The following LMO4 variants were observed in gnomAD, a reference collection of about 807,000 sequenced individuals.
The protein encoded by LMO4 is LIM domain transcription factor LMO4.
In LMO4, 3 loss-of-function variants were observed where a neutral mutation model predicts 18.5. The observed-to-expected ratio is 0.16, with a 90% CI of 0.07 to 0.42. The LOEUF (loss-of-function observed/expected upper bound fraction) is 0.42, where lower values mean the gene tolerates loss of function less well. LMO4 is among the 10% of genes least tolerant of loss of function. LMO4 has a pLI of 0.99. For missense variants in LMO4, 121 were observed against 219.9 expected (o/e 0.55, Z 2.84); for synonymous variants, 100 against 88.1 (o/e 1.14, Z -0.76).
At chr1:87,331,798 A>T (rs2100773730) in intron 1 of LMO4, 1 of 579,566 alleles carries the variant, frequency 1.7e-6, no homozygotes, top group African/African-American at 1.9e-5. Context: ...GTGGCCCCAG[A>T]ACAAAGCTTG....
At chr1:87,344,663 C>T in intron 4 of LMO4, 125 bp from the exon 5 acceptor site, 15 of 928,354 alleles carry the variant, frequency 1.6e-5, no homozygotes, top group Non-Finnish European at 2.6e-5. Context: ...TATCAAGTCA[C>T]AGTTGGAAAG....
intron 2 of LMO4, among the ~76,000 whole-genome samples, chr1:87,333,314 A>C (rs559554641): frequency 5.9e-5 from 9 of 151,986 alleles, no homozygotes; most frequent in East Asian, 1.9e-4. Flanking sequence ...TAAAAAAAAA[A>C]CCCACACGCA....
At chr1:87,335,552 G>T (rs988350017) in intron 2 of LMO4, among the ~76,000 whole-genome samples, 1 of 152,100 alleles carries the variant, frequency 6.6e-6, no homozygotes, top group African/African-American at 2.4e-5. Context: ...CGCAGCCGCA[G>T]TGAGCCCGGC....
In LMO4 at chr1:87,340,000, G is replaced by C. The variant is rs746877663; in HGVS notation, c.334-47G>C. 2.3e-5 allele frequency: 37 copies of C among 1,596,100 alleles called. 1 individual carries two copies. Among genetic ancestry groups the C allele is most frequent in the Non-Finnish European group, 3.2e-5 (37 of 1,169,232 alleles). On this transcript the variant is annotated intron_variant, in intron 3 of 4. Transcript: ENST00000370544. The stretch of plus-strand genomic sequence containing the variant: ...GGTTATAAACTTGTGACCAAAAAAA[G>C]ACTTAATTTTTACCTTGTTTTCAGT...
intron 2 of LMO4, among the ~76,000 whole-genome samples, chr1:87,338,064 G>A (rs1435024144): frequency 6.6e-6 from 1 of 152,148 alleles, no homozygotes; most frequent in Non-Finnish European, 1.5e-5. Flanking sequence ...CCTATTAAAA[G>A]CCATCTTAAG....
At position 87,332,601 on chromosome 1, in the gene LMO4, T is replaced by C. The variant is rs548487671; in HGVS notation, c.236+350T>C. Among the ~76,000 whole-genome samples the C allele has an allele frequency of 2.0e-5, 3 of 152,292 alleles. No homozygotes were observed. In the East Asian group the frequency reaches 5.8e-4, roughly 29 times the overall value. On this transcript the variant is annotated intron_variant, in intron 2 of 4. Coordinates refer to ENST00000370544, the MANE Select transcript of LMO4 (RefSeq NM_006769.4). The stretch of plus-strand genomic sequence containing the variant: ...CCCAAGCGGGAGTTAAGCTGCGTTC[T>C]TAAAACAAGGTAGGAACTCACAGAG...
chr1:87,339,660 T>TAAAA, intron 3 of LMO4, 28 bp downstream of exon 3: 1 of 1,238,926 alleles, frequency 8.1e-7, no homozygotes, highest in Non-Finnish European at 1.1e-6. Context: ...CTTTTTTTTT[T>TAAAA]AAAAAAAAAA....
At chr1:87,337,849 G>A (rs771998682) in intron 2 of LMO4, among the ~76,000 whole-genome samples, 1 of 152,124 alleles carries the variant, frequency 6.6e-6, no homozygotes, top group Non-Finnish European at 1.5e-5. Flanking sequence ...GGAGACAGCA[G>A]CCCAGAGGCC....
rs116750356 is a variant in LMO4, at chr1:87,332,331, A to G, written c.236+80A>G. 4.4e-4 allele frequency: 480 copies of G among 1,093,294 alleles called. 1 individual carries two copies. The African/African-American group carries it at 6.9e-3, about 16-fold the overall frequency. 67.7% of individuals were successfully genotyped at this position (1,093,294 alleles called of 1,614,324 possible). On this transcript the variant is annotated intron_variant, in intron 2 of 4. Transcript: ENST00000370544. ...AGGTTAACAGGGTTGTGAGGAAAGG[A>G]GTAGGCGTCTACGGGGAGTATGCAG...
intron 4 of LMO4, among the ~76,000 whole-genome samples, chr1:87,342,377 G>A (rs1005127695): frequency 1.3e-5 from 2 of 152,182 alleles, no homozygotes; most frequent in South Asian, 4.1e-4. Flanking sequence ...AGGTTTACCT[G>A]TTGATGAGAT....
At chr1:87,336,135 C>G (rs1397026140) in intron 2 of LMO4, among the ~76,000 whole-genome samples, 2 of 152,018 alleles carry the variant, frequency 1.3e-5, no homozygotes, top group Non-Finnish European at 2.9e-5. Flanking sequence ...ATGGACTTGG[C>G]TCCAGGCATA....
intron 2 of LMO4, among the ~76,000 whole-genome samples, chr1:87,334,119 C>T (rs1354827729): frequency 6.6e-6 from 1 of 152,112 alleles, no homozygotes; most frequent in Non-Finnish European, 1.5e-5. Context: ...TGGTGTTTTC[C>T]TGTGCCCTAA....
At position 87,338,546 on chromosome 1, in the gene LMO4, A is replaced by G. The variant is rs537536884; in HGVS notation, c.237-990A>G. Among the ~76,000 whole-genome samples, 3 of 152,374 alleles carry G rather than the reference A, an allele frequency of 2.0e-5. No individual in the cohort carries two copies. In the South Asian group the frequency reaches 6.2e-4, roughly 32 times the overall value. ...ATAAAGCTTCCCAGGTTGAGTCTAC[A>G]GATTGCATAAAAGCCCAAGTTCGGT... is the stretch of plus-strand genomic sequence containing the variant. On this transcript the variant is annotated intron_variant, in intron 2 of 4. Transcript: ENST00000370544.
intron 2 of LMO4, among the ~76,000 whole-genome samples, chr1:87,335,104 C>G (rs1225556922): frequency 5.3e-5 from 8 of 152,128 alleles, no homozygotes; most frequent in African/African-American, 1.9e-4. Flanking sequence ...CCTGGCCCCC[C>G]CATCTTACAA....
At chr1:87,344,530 T>C (rs1414052341) in intron 4 of LMO4, among the ~76,000 whole-genome samples, 1 of 152,220 alleles carries the variant, frequency 6.6e-6, no homozygotes, top group Non-Finnish European at 1.5e-5. Flanking sequence ...CAATTAATTG[T>C]AGTACTTTAC....
chr1:87,330,308 C>T (rs1027455942), intron 1 of LMO4, among the ~76,000 whole-genome samples: 9 of 151,994 alleles, frequency 5.9e-5, no homozygotes, highest in African/African-American at 2.2e-4. Flanking sequence ...GCGATTAAAA[C>T]GTTGGGGGAA....
intron 2 of LMO4, among the ~76,000 whole-genome samples, chr1:87,333,920 T>C (rs1489856827): frequency 6.7e-6 from 1 of 150,302 alleles, no homozygotes; most frequent in Non-Finnish European, 1.5e-5. Context: ...TGGTACAGAT[T>C]CATCTCTTCT....
chr1:87,340,332 G>A, intron 4 of LMO4, 130 bp downstream of exon 4: 1 of 772,124 alleles, frequency 1.3e-6, no homozygotes, highest in Admixed American at 2.6e-5. Context: ...TAGATTACTA[G>A]TTGTACATAG....
chr1:87,348,069 G>T lies in LMO4; in HGVS notation c.*3273G>T, dbSNP rs934441368. ...TCATCTAAAAGGAAGCTCTTAAAGG[G>T]CTTTAAATGTCAATATAGTAAGATT... On this transcript the variant is annotated 3_prime_UTR_variant, in exon 5 of 5. Transcript: ENST00000370544. 2 of 152,042 alleles carry T rather than the reference G, an allele frequency of 1.3e-5. No homozygotes were observed. The highest frequency in any genetic ancestry group is 4.8e-5 in the African/African-American group (2 of 41,378). The allele number at this position is 152,042 out of a possible 1,614,324, so 9.4% of individuals were successfully genotyped here.
Sources: gnomAD v4.1 joint callset for allele counts (sites outside exome capture counted in the v4.1 genomes callset) on GRCh38, gnomAD v4.1.1 for gene constraint, MANE v1.5 for transcripts, NCBI Gene and HGNC (gene_info 2026-07-23, HGNC 2026-07-21) for gene names.